The following ACO2 variants were observed in gnomAD, a reference collection of about 807,000 sequenced individuals.
The protein encoded by ACO2 is aconitase 2.
A neutral mutation model predicts 84.5 loss-of-function variants in ACO2; 31 were observed. That is an observed-to-expected ratio of 0.37 (90% confidence interval 0.28 to 0.50). The LOEUF is 0.50. ACO2 is among the 20% of genes least tolerant of loss of function. ACO2 has a pLI of 0.97. For synonymous variants in ACO2, 414 were observed against 412.7 expected (o/e 1.00, Z -0.04); for missense variants, 685 against 1,029.3 (o/e 0.67, Z 4.58).
At chr22:41,527,694 G>A in intron 16 of ACO2, 1 of 829,172 alleles carries the variant, frequency 1.2e-6, no homozygotes, top group Non-Finnish European at 1.8e-6. Context: ...ATGTGCAGCA[G>A]GAAGGCCTCG....
chr22:41,494,859 G>A (rs983219236), intron 1 of ACO2, among the ~76,000 whole-genome samples: 53 of 151,498 alleles, frequency 3.5e-4, no homozygotes, highest in Admixed American at 1.1e-3. Flanking sequence ...TCAGCCTCCC[G>A]AGTAGCTGGG....
Position 41,475,679 on chromosome 22 carries a change from G to A in ACO2, c.36+6497G>A, listed in dbSNP as rs567709227. 3.3e-5 allele frequency among the ~76,000 whole-genome samples: 5 copies of A among 152,048 alleles called. No individual in the cohort carries two copies. The South Asian group carries it at 1.0e-3, about 32-fold the overall frequency. The stretch of plus-strand genomic sequence containing the variant: ...GGAGGCTGAGGTGGGTGGATCACAA[G>A]CTCAGGAGTTCGAGACCAGCCTGGC... On this transcript the variant is annotated intron_variant, in intron 1 of 17. Transcript: ENST00000216254.
intron 3 of ACO2, among the ~76,000 whole-genome samples, chr22:41,511,523 T>C (rs553475468): frequency 6.6e-6 from 1 of 152,364 alleles, no homozygotes; most frequent in African/African-American, 2.4e-5. Flanking sequence ...ATCTGGGGAC[T>C]TGAGTGCCAC....
At chr22:41,499,025 A>G (rs1445445131) in intron 1 of ACO2, among the ~76,000 whole-genome samples, 3 of 150,372 alleles carry the variant, frequency 2.0e-5, no homozygotes, top group African/African-American at 7.4e-5. Context: ...TGAACCCAGG[A>G]GGCGGCGGTA....
chr22:41,517,780 G>T lies in ACO2; in HGVS notation c.940+149G>T, dbSNP rs545268377. Reference sequence around the variant, plus strand: ...GAGGCTCTGAGAAAGCCCTGAAGAGGTGCAATATGTTTCTGAGTAGATTGT... The same window carrying T: ...GAGGCTCTGAGAAAGCCCTGAAGAGTTGCAATATGTTTCTGAGTAGATTGT... On this transcript the variant is annotated intron_variant, in intron 7 of 17. Coordinates refer to ENST00000216254, the MANE Select transcript of ACO2 (RefSeq NM_001098.3). 17 of 667,606 alleles carry T rather than the reference G, an allele frequency of 2.5e-5. No homozygotes were observed. The East Asian group carries it at 4.4e-4, about 17-fold the overall frequency. 41.4% of individuals were successfully genotyped at this position (667,606 alleles called of 1,614,324 possible). A position where few individuals can be genotyped will look rare whatever the true frequency, so the allele number is the denominator to read the frequency against.
intron 4 of ACO2, chr22:41,512,318 GTCACCCCT>G (rs2066439309): frequency 4.7e-6 from 1 of 211,476 alleles, no homozygotes; most frequent in African/African-American, 2.4e-5. Flanking sequence ...TTTCACAAGT[GTCACCCCT>G]TGTGGCATGC....
At chr22:41,508,130 G>A (rs1180927930) in intron 3 of ACO2, 81 bp downstream of exon 3, 3 of 1,501,280 alleles carry the variant, frequency 2.0e-6, no homozygotes, top group Non-Finnish European at 2.7e-6. Context: ...AGCAAACCAG[G>A]GCATTGCCTC....
At chr22:41,494,411 CTTTTT>C (rs879644372) in intron 1 of ACO2, among the ~76,000 whole-genome samples, 4 of 139,084 alleles carry the variant, frequency 2.9e-5, no homozygotes, top group African/African-American at 1.1e-4. Context: ...TATTCTGTAT[CTTTTT>C]TTTTTTTTTT....
intron 1 of ACO2, among the ~76,000 whole-genome samples, chr22:41,485,151 C>T (rs930658493): frequency 6.6e-5 from 10 of 151,702 alleles, no homozygotes; most frequent in Non-Finnish European, 1.2e-4. Context: ...TGCTGGGATC[C>T]GTGAGCCACT....
At chr22:41,489,350 A>G (rs867077043) in intron 1 of ACO2, among the ~76,000 whole-genome samples, 3 of 152,156 alleles carry the variant, frequency 2.0e-5, no homozygotes, top group Non-Finnish European at 4.4e-5. Flanking sequence ...TGGCCAAATA[A>G]TAATACTCTT....
intron 1 of ACO2, among the ~76,000 whole-genome samples, chr22:41,485,829 C>T (rs568545644): frequency 1.3e-5 from 2 of 152,218 alleles, no homozygotes; most frequent in South Asian, 2.1e-4. Context: ...TCAGGTGATC[C>T]GCCTTTCTTG....
chr22:41,499,449 G>C (rs945885048), intron 1 of ACO2, among the ~76,000 whole-genome samples: 2 of 152,124 alleles, frequency 1.3e-5, no homozygotes, highest in African/African-American at 4.8e-5. Context: ...TAGTCAATGA[G>C]GGCTTTTCTT....
intron 1 of ACO2, among the ~76,000 whole-genome samples, chr22:41,485,854 T>C (rs1468480614): frequency 6.6e-6 from 1 of 152,178 alleles, no homozygotes; most frequent in East Asian, 1.9e-4. Flanking sequence ...CCCAAAGTGC[T>C]GGGATTACAG....
At chr22:41,500,434 G>C (rs533118115) in intron 2 of ACO2, among the ~76,000 whole-genome samples, 25 of 150,468 alleles carry the variant, frequency 1.7e-4, no homozygotes, top group African/African-American at 4.9e-4. Context: ...GCCCAGACTG[G>C]ATTGCAGTGG....
intron 4 of ACO2, among the ~76,000 whole-genome samples, chr22:41,513,473 G>T (rs2066451959): frequency 1.3e-5 from 2 of 152,204 alleles, no homozygotes; most frequent in African/African-American, 2.4e-5. Context: ...TTCCCTCTGG[G>T]AAGTGCCCTG....
intron 2 of ACO2, among the ~76,000 whole-genome samples, chr22:41,500,636 C>T (rs757728177): frequency 1.3e-5 from 2 of 151,990 alleles, no homozygotes; most frequent in Admixed American, 6.6e-5. Flanking sequence ...CAGCTTGCCT[C>T]GGCTTCCCAA....
intron 9 of ACO2, 150 bp downstream of exon 9, chr22:41,520,426 C>T (rs1423278446): frequency 5.3e-6 from 3 of 569,566 alleles, no homozygotes; most frequent in Non-Finnish European, 9.0e-6. Flanking sequence ...ACTTTTTCGG[C>T]CAGAAGTGGT....
At chr22:41,516,964 A>G (rs943556993) in intron 6 of ACO2, among the ~76,000 whole-genome samples, 1 of 152,020 alleles carries the variant, frequency 6.6e-6, no homozygotes, top group African/African-American at 2.4e-5. Context: ...TCCTGACCTC[A>G]GGTGATCCAC....
intron 1 of ACO2, among the ~76,000 whole-genome samples, chr22:41,480,865 C>T (rs954309564): frequency 5.3e-5 from 8 of 152,230 alleles, no homozygotes; most frequent in African/African-American, 1.7e-4. Flanking sequence ...ACCCAGGCTG[C>T]AGTACAGTGG....
Sources: allele counts gnomAD v4.1 joint callset (sites outside exome capture counted in the v4.1 genomes callset), GRCh38; gene constraint gnomAD v4.1.1; transcripts MANE v1.5; gene names NCBI Gene and HGNC (gene_info 2026-07-23, HGNC 2026-07-21).